The following FAM53B variants were observed in gnomAD, a reference collection of about 807,000 sequenced individuals.
The protein encoded by FAM53B is family with sequence similarity 53 member B.
In FAM53B, 12 loss-of-function variants were observed where a neutral mutation model predicts 32.7. That is an observed-to-expected ratio of 0.37 (90% CI 0.24 to 0.59). The LOEUF is 0.59. FAM53B is among the 20% of genes least tolerant of loss of function. FAM53B has a pLI of 0.72. For synonymous variants in FAM53B, 234 were observed against 228.7 expected, an observed-to-expected ratio of 1.02 and a Z score of -0.21; for missense variants, 477 against 577.7, an observed-to-expected ratio of 0.83 and a Z score of 1.79.
chr10:124,738,266 C>T (rs1031372829), intron 1 of FAM53B, among the ~76,000 whole-genome samples: 12 of 152,048 alleles, frequency 7.9e-5, no homozygotes, highest in African/African-American at 2.7e-4. Context: ...ACAAGAGAAT[C>T]GACTCAGGAA....
chr10:124,654,529 GAACA>G (rs1949575038), intron 4 of FAM53B, among the ~76,000 whole-genome samples: 1 of 152,242 alleles, frequency 6.6e-6, no homozygotes, highest in Non-Finnish European at 1.5e-5. Flanking sequence ...ACTTACAGCA[GAACA>G]AAGAAGGAGT....
intron 4 of FAM53B, among the ~76,000 whole-genome samples, chr10:124,633,228 G>T (rs888012934): frequency 8.0e-6 from 1 of 124,840 alleles, no homozygotes; most frequent in African/African-American, 3.1e-5. Flanking sequence ...GAACTTATAA[G>T]AACTGGGAAA....
At chr10:124,736,618 C>T (rs999794658) in intron 1 of FAM53B, among the ~76,000 whole-genome samples, 1 of 152,280 alleles carries the variant, frequency 6.6e-6, no homozygotes. Context: ...AGGCCTCTCC[C>T]AGCTGGGCTT....
intron 4 of FAM53B, among the ~76,000 whole-genome samples, chr10:124,624,396 C>T (rs1949332075): frequency 6.6e-6 from 1 of 152,224 alleles, no homozygotes; most frequent in South Asian, 2.1e-4. Context: ...TCCACAGGTG[C>T]TGGGGACTGG....
intron 3 of FAM53B, among the ~76,000 whole-genome samples, chr10:124,686,735 G>T (rs1259279066): frequency 6.6e-6 from 1 of 152,258 alleles, no homozygotes; most frequent in Non-Finnish European, 1.5e-5. Flanking sequence ...AGTTGGTGGT[G>T]CATGAATGAG....
intron 1 of FAM53B, among the ~76,000 whole-genome samples, chr10:124,732,726 G>A (rs1266123194): frequency 6.6e-6 from 1 of 151,816 alleles, no homozygotes; most frequent in Non-Finnish European, 1.5e-5. Flanking sequence ...GGGCATAGTG[G>A]CACACGCCCA....
chr10:124,636,660 C>T (rs1409847593), intron 4 of FAM53B, among the ~76,000 whole-genome samples: 1 of 144,638 alleles, frequency 6.9e-6, no homozygotes, highest in East Asian at 2.3e-4. Flanking sequence ...CCCACGTTGG[C>T]CACTGGGGGC....
intron 3 of FAM53B, among the ~76,000 whole-genome samples, chr10:124,691,657 T>C (rs573288727): frequency 1.3e-5 from 2 of 152,358 alleles, no homozygotes; most frequent in South Asian, 2.1e-4. Flanking sequence ...GTGGTGTCCA[T>C]TGTCCCTGCA....
chr10:124,653,911 A>T (rs1224477763), intron 4 of FAM53B, among the ~76,000 whole-genome samples: 2 of 152,034 alleles, frequency 1.3e-5, no homozygotes, highest in Non-Finnish European at 2.9e-5. Context: ...CTGTGCAGAA[A>T]CTCAGCTAGA....
chr10:124,741,790 A>C (rs1251617110), intron 1 of FAM53B, among the ~76,000 whole-genome samples: 2 of 152,266 alleles, frequency 1.3e-5, no homozygotes, highest in Non-Finnish European at 2.9e-5. Flanking sequence ...AGCTCTTTCC[A>C]AAAGAACTTT....
intron 4 of FAM53B, among the ~76,000 whole-genome samples, chr10:124,659,715 C>T (rs1949616970): frequency 6.6e-6 from 1 of 152,260 alleles, no homozygotes; most frequent in African/African-American, 2.4e-5. Flanking sequence ...AGCTCATCTC[C>T]TCTAGCAACT....
At chr10:124,739,417 T>C (rs1452803863) in intron 1 of FAM53B, among the ~76,000 whole-genome samples, 1 of 152,248 alleles carries the variant, frequency 6.6e-6, no homozygotes, top group East Asian at 1.9e-4. Context: ...CATTATTCTT[T>C]GAACAATCTG....
At chr10:124,681,034 C>T (rs1321631931) in intron 4 of FAM53B, among the ~76,000 whole-genome samples, 3 of 152,230 alleles carry the variant, frequency 2.0e-5, no homozygotes, top group Non-Finnish European at 4.4e-5. Flanking sequence ...GGCGTGTGGC[C>T]AGATACTTCT....
intron 4 of FAM53B, among the ~76,000 whole-genome samples, chr10:124,649,555 C>G (rs1227285946): frequency 6.6e-6 from 1 of 152,238 alleles, no homozygotes; most frequent in African/African-American, 2.4e-5. Context: ...AAAATCCCAG[C>G]CACTGCAAGG....
Position 124,681,507 on chromosome 10 carries a change from G to T in FAM53B, c.906+100C>A, listed in dbSNP as rs149871877. ...AACAAGGAAATTAACCCACTCCTGG[G>T]TATTTCTGAAACTGGCAATCTATGC... On this transcript the variant is annotated intron_variant, in intron 4 of 4. Transcript: ENST00000337318. 1.2e-3 allele frequency: 1,204 copies of T among 1,039,232 alleles called. 3 individuals carry two copies. The highest frequency in any genetic ancestry group is 8.9e-3 in the African/African-American group (551 of 62,060). The allele number at this position is 1,039,232 out of a possible 1,614,324, so 64.4% of individuals were successfully genotyped here.
chr10:124,658,487 G>A (rs1949609943), intron 4 of FAM53B, among the ~76,000 whole-genome samples: 2 of 152,232 alleles, frequency 1.3e-5, no homozygotes, highest in Admixed American at 1.3e-4. Flanking sequence ...TGGGCTAAGA[G>A]GAGTATTCTT....
chr10:124,695,248 ACT>A (rs1258550977), intron 3 of FAM53B, among the ~76,000 whole-genome samples: 3 of 152,106 alleles, frequency 2.0e-5, no homozygotes, highest in African/African-American at 7.2e-5. Flanking sequence ...CGTTACAGAA[ACT>A]CATCCGGCAA....
rs76027294 is a variant in FAM53B at position 124,705,395 on chromosome 10, G to A, written c.78+1241C>T. Among the ~76,000 whole-genome samples, 243 of 152,368 alleles carry A rather than the reference G, an allele frequency of 1.6e-3. 4 individuals are homozygous for A. The East Asian group carries it at 0.037, about 23-fold the overall frequency. On this transcript the variant is annotated intron_variant, in intron 2 of 4. Transcript: ENST00000337318. ...TAAAACAAGGAGGCTGGACCCAACG[G>A]TTTCTAAGCCACTTCTTCTCACCCT...
intron 4 of FAM53B, among the ~76,000 whole-genome samples, chr10:124,630,122 G>A (rs1443456995): frequency 6.6e-6 from 1 of 152,226 alleles, no homozygotes; most frequent in Non-Finnish European, 1.5e-5. Context: ...CTTAAAAAGG[G>A]ATAGCATCAG....
Sources: allele counts gnomAD v4.1 joint callset (sites outside exome capture counted in the v4.1 genomes callset), GRCh38; gene constraint gnomAD v4.1.1; transcripts MANE v1.5; gene names NCBI Gene and HGNC (gene_info 2026-07-23, HGNC 2026-07-21).